Variants in SGTA observed in about 807,000 individuals in gnomAD.
SGTA encodes small glutamine-rich tetratricopeptide repeat-containing protein alpha.
A neutral mutation model predicts 44.3 loss-of-function variants in SGTA; 22 were observed. The ratio of observed to expected loss-of-function variants is 0.50; its 90% confidence interval spans 0.36 to 0.71. SGTA has a LOEUF of 0.71. Among genes scored for constraint, SGTA ranks in the 30% least tolerant of loss-of-function variants. The probability of loss-of-function intolerance (pLI) is 0.00; values close to 1 mark genes in which losing one functional copy is unlikely to be tolerated. For missense variants in SGTA, 341 were observed against 435.9 expected (o/e 0.78, Z 1.94); for synonymous variants, 174 against 177.6 (o/e 0.98, Z 0.16).
At position 2,758,873 on chromosome 19, in the gene SGTA, G is replaced by A. The variant is rs559816790; in HGVS notation, c.737+384C>T. ...GAGGACGTCACGCTCAGTGAGAGACGCCAGACACCAAAGTTCACGCAGTGT... is the reference window on the plus strand; with the variant it reads ...GAGGACGTCACGCTCAGTGAGAGACACCAGACACCAAAGTTCACGCAGTGT... On this transcript the variant is annotated intron_variant, in intron 9 of 11. Coordinates refer to ENST00000221566, the MANE Select transcript of SGTA (RefSeq NM_003021.4). 7.9e-5 allele frequency among the ~76,000 whole-genome samples: 12 copies of A among 152,320 alleles called. No individual in the cohort carries two copies. The South Asian group carries it at 2.1e-3, about 26-fold the overall frequency.
chr19:2,764,256 A>G (rs909132065), intron 5 of SGTA, among the ~76,000 whole-genome samples: 2 of 152,220 alleles, frequency 1.3e-5, no homozygotes, highest in South Asian at 2.1e-4. Flanking sequence ...GGAACCCTGC[A>G]CTGCCTCTGC....
rs1005337823 is a variant in SGTA at position 2,761,749 on chromosome 19, G to A, written c.637-227C>T. 6.6e-6 allele frequency among the ~76,000 whole-genome samples: 1 copy of A among 151,172 alleles called. No individual in the cohort carries two copies. Among genetic ancestry groups the A allele is most frequent in the Non-Finnish European group, 1.5e-5 (1 of 67,730 alleles). On this transcript the variant is annotated intron_variant, in intron 7 of 11. Transcript: ENST00000221566. This position sits in a 1 kb window ranked among gnomAD's most constrained non-coding sequence, Gnocchi z 5.7. ...CCGCACAGCGCGACCGCCCGGGGACGGCACAGTCTATCATCCCGTGTTTAT... is the reference window on the plus strand; with the variant it reads ...CCGCACAGCGCGACCGCCCGGGGACAGCACAGTCTATCATCCCGTGTTTAT...
chr19:2,762,623 G>T lies in SGTA; in HGVS notation c.519C>A (p.Asn173Lys). Residue 173 changes from asparagine to lysine, a missense_variant, in exon 7 of 12, where the codon AAC (asparagine) becomes AAA (lysine). By Grantham distance (94) the Asn-to-Lys change is moderately conservative (BLOSUM62 0). Transcript: ENST00000221566. ...AGTAAGCCACGGCCTCCACGTGCTTGTTGAGGCTGGAGAGCGCCAGGCTGG... is the reference window on the plus strand; with the variant it reads ...AGTAAGCCACGGCCTCCACGTGCTTTTTGAGGCTGGAGAGCGCCAGGCTGG... ...GRMGLALSSL[N>K]KHVEAVAYYK... 6.2e-7 allele frequency: 1 copy of T among 1,614,058 alleles called. No individual in the cohort carries two copies. The highest frequency in any genetic ancestry group is 8.5e-7 in the Non-Finnish European group (1 of 1,179,996).
intron 1 of SGTA, among the ~76,000 whole-genome samples, chr19:2,776,277 C>A (rs576780886): frequency 6.6e-6 from 1 of 152,348 alleles, no homozygotes; most frequent in South Asian, 2.1e-4. Context: ...AACAGCATTA[C>A]AATAGCCAAA....
chr19:2,767,702 A>G lies in SGTA; in HGVS notation c.101-16T>C. The G allele has an allele frequency of 2.5e-6, 4 of 1,595,350 alleles. No individual in the cohort carries two copies. Among genetic ancestry groups the G allele is most frequent in the Non-Finnish European group, 2.6e-6 (3 of 1,163,454 alleles). On this transcript the variant is annotated splice_polypyrimidine_tract_variant and intron_variant, in intron 2 of 11. Transcript: ENST00000221566. This position sits in a 1 kb window ranked among gnomAD's most constrained non-coding sequence, Gnocchi z 7.3. ...TGGATGGCGACTGAAGCGGGGACAGAGGCGGTCCCATTCATTGCACGCAGC... is the reference window on the plus strand; with the variant it reads ...TGGATGGCGACTGAAGCGGGGACAGGGGCGGTCCCATTCATTGCACGCAGC...
At chr19:2,762,846 C>G (rs576587746) in intron 6 of SGTA, among the ~76,000 whole-genome samples, 1 of 152,134 alleles carries the variant, frequency 6.6e-6, no homozygotes, top group Non-Finnish European at 1.5e-5. Flanking sequence ...ATGAGAACAC[C>G]CCTGCCACAC....
rs1915162163 is a variant in SGTA, at chr19:2,767,035, A to T, written c.292+101T>A. ...TGCTGGTCATCAGGGCAATTCCCTCAGCTCCCTGGGCCCCAGGGACCAGCT... is the reference window on the plus strand; with the variant it reads ...TGCTGGTCATCAGGGCAATTCCCTCTGCTCCCTGGGCCCCAGGGACCAGCT... On this transcript the variant is annotated intron_variant, in intron 4 of 11. Coordinates refer to ENST00000221566, the MANE Select transcript of SGTA (RefSeq NM_003021.4). This position sits in a 1 kb window ranked among gnomAD's most constrained non-coding sequence, Gnocchi z 7.3. The T allele has an allele frequency of 1.2e-6, 1 of 851,030 alleles. No homozygotes were observed. The highest frequency in any genetic ancestry group is 2.0e-6 in the Non-Finnish European group (1 of 509,814). 52.7% of individuals were successfully genotyped at this position (851,030 alleles called of 1,614,324 possible).
At position 2,761,788 on chromosome 19, in the gene SGTA, C is replaced by T. The variant is rs1029297207; in HGVS notation, c.637-266G>A. On this transcript the variant is annotated intron_variant, in intron 7 of 11. Coordinates refer to ENST00000221566, the MANE Select transcript of SGTA (RefSeq NM_003021.4). This position sits in a 1 kb window ranked among gnomAD's most constrained non-coding sequence, Gnocchi z 5.7. ...TCCCGTGTTTATTCCCCGCACAGCGCGACCGCCCGGGGACGGCACAGTCTA... is the reference window on the plus strand; with the variant it reads ...TCCCGTGTTTATTCCCCGCACAGCGTGACCGCCCGGGGACGGCACAGTCTA... Among the ~76,000 whole-genome samples the T allele has an allele frequency of 1.3e-5, 2 of 148,630 alleles. No homozygotes were observed. The highest frequency in any genetic ancestry group is 2.5e-5 in the African/African-American group (1 of 40,144).
intron 2 of SGTA, among the ~76,000 whole-genome samples, chr19:2,768,439 C>A (rs552020920): frequency 6.6e-6 from 1 of 152,282 alleles, no homozygotes; most frequent in Admixed American, 6.5e-5. Flanking sequence ...GGACCTAGAG[C>A]AGAACCTGCA....
chr19:2,755,515 G>A lies in SGTA; in HGVS notation c.*425C>T. 1.0e-6 allele frequency: 1 copy of A among 986,794 alleles called. No homozygotes were observed. 61.1% of individuals were successfully genotyped at this position (986,794 alleles called of 1,614,324 possible). ...TCGGAAAGAGGCTTCTCACAGACGG[G>A]AGAGTTCCTGCAGACAGACCACGGG... On this transcript the variant is annotated 3_prime_UTR_variant, in exon 12 of 12. Coordinates refer to ENST00000221566, the MANE Select transcript of SGTA (RefSeq NM_003021.4). This position sits in a 1 kb window ranked among gnomAD's most constrained non-coding sequence, Gnocchi z 5.2.
rs369354226 is a variant in SGTA at position 2,767,730 on chromosome 19, C to T, written c.101-44G>A. 1.9e-5 allele frequency: 28 copies of T among 1,511,910 alleles called. No homozygotes were observed. The highest frequency in any genetic ancestry group is 3.4e-5 in the South Asian group (3 of 88,828). 93.7% of individuals were successfully genotyped at this position (1,511,910 alleles called of 1,614,324 possible). On this transcript the variant is annotated intron_variant, in intron 2 of 11. Coordinates refer to ENST00000221566, the MANE Select transcript of SGTA (RefSeq NM_003021.4). This position sits in a 1 kb window ranked among gnomAD's most constrained non-coding sequence, Gnocchi z 7.3. ...CGGTCCCATTCATTGCACGCAGCCCCGAGGTTACGTTTTTGGGTCTAGAGG... is the reference window on the plus strand; with the variant it reads ...CGGTCCCATTCATTGCACGCAGCCCTGAGGTTACGTTTTTGGGTCTAGAGG...
At chr19:2,757,607 G>A (rs568757497) in intron 10 of SGTA, 86 bp downstream of exon 10, 3 of 1,438,386 alleles carry the variant, frequency 2.1e-6, no homozygotes, top group Admixed American at 2.3e-5. Flanking sequence ...AGGGGACGCA[G>A]CACTTTCGCT....
At chr19:2,773,019 C>T (rs1438964617) in intron 1 of SGTA, among the ~76,000 whole-genome samples, 2 of 20,576 alleles carry the variant, frequency 9.7e-5, no homozygotes, top group Non-Finnish European at 1.6e-4. Flanking sequence ...AGGTGGGTGA[C>T]GCGGCCACAC....
intron 1 of SGTA, among the ~76,000 whole-genome samples, chr19:2,778,911 T>C (rs1289476167): frequency 6.6e-6 from 1 of 152,232 alleles, no homozygotes; most frequent in African/African-American, 2.4e-5. Context: ...TATTCTGCTG[T>C]CCAGTGTGAG....
rs1224253851 is a variant in SGTA at position 2,765,298 on chromosome 19, AG to A, written c.293-14del. 1 of 1,598,784 alleles carries A rather than the reference AG, an allele frequency of 6.3e-7. No homozygotes were observed. Among genetic ancestry groups the A allele is most frequent in the Non-Finnish European group, 8.6e-7 (1 of 1,166,834 alleles). Reference sequence around the variant, plus strand: ...ATCTGCTCGTTTCCTACAGGGAGAGAGGAAAACACCGGCCCGGTGTCCACAC... The same window carrying A: ...ATCTGCTCGTTTCCTACAGGGAGAGAGAAAACACCGGCCCGGTGTCCACAC... On this transcript the variant is annotated splice_polypyrimidine_tract_variant and intron_variant, in intron 4 of 11. Transcript: ENST00000221566. This position sits in a 1 kb window ranked among gnomAD's most constrained non-coding sequence, Gnocchi z 5.5.
chr19:2,760,622 G>C (rs1370334572), intron 8 of SGTA, among the ~76,000 whole-genome samples: 1 of 151,804 alleles, frequency 6.6e-6, no homozygotes, highest in Non-Finnish European at 1.5e-5. Context: ...AGGCGTCTGT[G>C]ACATGGCCAA....
At chr19:2,771,286 T>C (rs1402856807) in intron 1 of SGTA, among the ~76,000 whole-genome samples, 1 of 152,098 alleles carries the variant, frequency 6.6e-6, no homozygotes, top group Non-Finnish European at 1.5e-5. Flanking sequence ...TTAGCTGGCA[T>C]GGTGGCACGT....
rs1038847188 is a variant in SGTA at position 2,761,733 on chromosome 19, G to A, written c.637-211C>T. ...ATCCCGTGTTTATTCCCCGCACAGC[G>A]CGACCGCCCGGGGACGGCACAGTCT... On this transcript the variant is annotated intron_variant, in intron 7 of 11. Transcript: ENST00000221566. The surrounding 1 kb of genome is among the most constrained non-coding windows in gnomAD (Gnocchi z 5.7). Among the ~76,000 whole-genome samples, 1 of 151,616 alleles carries A rather than the reference G, an allele frequency of 6.6e-6. No homozygotes were observed.
chr19:2,777,535 G>C (rs1053606071), intron 1 of SGTA: 4 of 152,270 alleles, frequency 2.6e-5, no homozygotes, highest in Non-Finnish European at 5.9e-5. Flanking sequence ...CTGGGAAAGA[G>C]AGTGAGACCC....
Sources: allele counts gnomAD v4.1 joint callset (sites outside exome capture counted in the v4.1 genomes callset), GRCh38; gene constraint gnomAD v4.1.1; non-coding constraint Gnocchi (gnomAD v3.1); transcripts MANE v1.5; gene names NCBI Gene and HGNC (gene_info 2026-07-23, HGNC 2026-07-21).